The following PRKG1 variants were observed in gnomAD, a reference collection of about 807,000 sequenced individuals.
PRKG1 encodes the protein protein kinase cGMP-dependent 1, also known as cGMP-dependent protein kinase 1.
PRKG1 carries 35 observed loss-of-function variants against 88.1 expected under a neutral mutation model. That is an observed-to-expected ratio of 0.40 (90% CI 0.30 to 0.53). PRKG1 has a LOEUF of 0.53. PRKG1 is among the 20% of genes least tolerant of loss of function. The probability of loss-of-function intolerance (pLI) is 0.59; values close to 1 mark genes in which losing one functional copy is unlikely to be tolerated. For missense variants in PRKG1, 540 were observed against 839.8 expected (o/e 0.64, Z 4.41); for synonymous variants, 303 against 292.5 (o/e 1.04, Z -0.37).
intron 4 of PRKG1, among the ~76,000 whole-genome samples, chr10:51,804,895 T>G (rs1432560505): frequency 6.6e-6 from 1 of 152,072 alleles, no homozygotes. Flanking sequence ...CAAACAAGCT[T>G]CTTTATATTT....
At chr10:51,859,685 C>A (rs1232852104) in intron 4 of PRKG1, among the ~76,000 whole-genome samples, 1 of 152,116 alleles carries the variant, frequency 6.6e-6, no homozygotes, top group South Asian at 2.1e-4. Context: ...CACCCTACTC[C>A]CCAATCCCTT....
At chr10:51,887,148 T>G (rs974403798) in intron 4 of PRKG1, among the ~76,000 whole-genome samples, 5 of 152,074 alleles carry the variant, frequency 3.3e-5, no homozygotes, top group Non-Finnish European at 7.4e-5. Flanking sequence ...CCATGCCCAG[T>G]TAATTTTTGT....
intron 2 of PRKG1, among the ~76,000 whole-genome samples, chr10:51,217,741 C>G (rs989403013): frequency 6.6e-6 from 1 of 152,102 alleles, no homozygotes; most frequent in African/African-American, 2.4e-5. Context: ...AATCAGTTCT[C>G]TCTTTACCCC....
At chr10:51,195,144 G>A (rs16915184) in intron 2 of PRKG1, among the ~76,000 whole-genome samples, 8,089 of 152,228 alleles carry the variant, frequency 0.053, 401 homozygotes, top group African/African-American at 0.13. Flanking sequence ...TTTGAGAAAA[G>A]GGTGTTGTAT....
chr10:51,976,543 GA>G (rs1231485038), intron 5 of PRKG1, among the ~76,000 whole-genome samples: 22 of 152,006 alleles, frequency 1.4e-4, no homozygotes, highest in African/African-American at 5.1e-4. Context: ...GAATTGCCAA[GA>G]TGAGTCAAAT....
intron 9 of PRKG1, among the ~76,000 whole-genome samples, chr10:52,244,455 T>G (rs1840950827): frequency 6.6e-6 from 1 of 151,734 alleles, no homozygotes; most frequent in African/African-American, 2.4e-5. Flanking sequence ...TGTCTAAGCT[T>G]ATTTAATTTC....
At chr10:51,908,561 G>C (rs971635922) in intron 5 of PRKG1, 1 of 151,450 alleles carries the variant, frequency 6.6e-6, no homozygotes, top group South Asian at 2.1e-4. Context: ...ATTTGACTTA[G>C]ATTTTTAACA....
chr10:51,942,101 T>A (rs1842922092), intron 5 of PRKG1, among the ~76,000 whole-genome samples: 1 of 151,948 alleles, frequency 6.6e-6, no homozygotes, highest in Non-Finnish European at 1.5e-5. Flanking sequence ...CTCCACAACC[T>A]CTCCAGCACC....
At chr10:51,865,268 A>T (rs1343044423) in intron 4 of PRKG1, among the ~76,000 whole-genome samples, 1 of 152,140 alleles carries the variant, frequency 6.6e-6, no homozygotes, top group Non-Finnish European at 1.5e-5. Flanking sequence ...ATGCTTAATT[A>T]TGACTTTGTT....
intron 3 of PRKG1, chr10:51,698,678 C>T (rs765244195): frequency 3.7e-6 from 6 of 1,614,064 alleles, no homozygotes; most frequent in South Asian, 1.1e-5. Flanking sequence ...CCCTGGCATT[C>T]CAAGTTGGGG....
At position 52,156,301 on chromosome 10, in the gene PRKG1, C is replaced by T. The variant is rs77886154; in HGVS notation, c.1002-5588C>T. Among the ~76,000 whole-genome samples, 373 of 152,052 alleles carry T rather than the reference C, an allele frequency of 2.5e-3. 2 individuals carry two copies. The highest frequency in any genetic ancestry group is 8.2e-3 in the African/African-American group (341 of 41,552). ...GTAGATGAAATTATTTTTATGCACG[C>T]TATAGCCTTCCTTCTGATAAGCATT... On this transcript the variant is annotated intron_variant, in intron 8 of 17. Transcript: ENST00000373980.
chr10:51,943,138 G>A (rs1443238296), intron 5 of PRKG1, among the ~76,000 whole-genome samples: 1 of 151,992 alleles, frequency 6.6e-6, no homozygotes, highest in Non-Finnish European at 1.5e-5. Flanking sequence ...TTGAGCAGTG[G>A]TTTGTAGTTA....
chr10:52,293,217 C>A (rs1168620502), intron 17 of PRKG1, among the ~76,000 whole-genome samples: 43 of 151,250 alleles, frequency 2.8e-4, no homozygotes, highest in Non-Finnish European at 5.0e-4. Flanking sequence ...ATGTGAAGGA[C>A]CTCTTCAAGG....
intron 5 of PRKG1, among the ~76,000 whole-genome samples, chr10:52,004,334 A>C (rs1844675980): frequency 6.6e-6 from 1 of 152,220 alleles, no homozygotes; most frequent in African/African-American, 2.4e-5. Context: ...CATTGTTGAA[A>C]ACAATAATAA....
chr10:51,405,126 G>A (rs992598562), intron 2 of PRKG1, among the ~76,000 whole-genome samples: 1 of 152,140 alleles, frequency 6.6e-6, no homozygotes, highest in African/African-American at 2.4e-5. Context: ...AGGGCAGTTG[G>A]ATAATGTTTA....
chr10:51,236,218 A>C (rs1838984358), intron 2 of PRKG1, among the ~76,000 whole-genome samples: 1 of 152,212 alleles, frequency 6.6e-6, no homozygotes, highest in African/African-American at 2.4e-5. Context: ...CCTCATTGAC[A>C]GGGGAGAGCC....
At chr10:51,490,010 A>T (rs1003144629) in intron 3 of PRKG1, among the ~76,000 whole-genome samples, 1 of 152,100 alleles carries the variant, frequency 6.6e-6, no homozygotes, top group Non-Finnish European at 1.5e-5. Flanking sequence ...TTTGAAGAAC[A>T]CTTAAAATGT....
chr10:51,156,824 C>G (rs779151641), intron 2 of PRKG1, among the ~76,000 whole-genome samples: 3 of 151,862 alleles, frequency 2.0e-5, no homozygotes, highest in Admixed American at 1.3e-4. Context: ...TAGCAATGTT[C>G]TTGCTATAGA....
At chr10:51,514,686 G>C (rs563756558) in intron 3 of PRKG1, among the ~76,000 whole-genome samples, 5 of 152,278 alleles carry the variant, frequency 3.3e-5, no homozygotes, top group Admixed American at 1.3e-4. Context: ...TAAGGAGAAG[G>C]GTGACCTGCT....
Sources: gnomAD v4.1 joint callset for allele counts (sites outside exome capture counted in the v4.1 genomes callset) on GRCh38, gnomAD v4.1.1 for gene constraint, MANE v1.5 for transcripts, NCBI Gene and HGNC (gene_info 2026-07-23, HGNC 2026-07-21) for gene names.